FAM13A: variants seen among roughly 807,000 people sequenced by gnomAD.
FAM13A encodes the protein protein FAM13A.
FAM13A carries 76 observed loss-of-function variants against 129.6 expected under a neutral mutation model. The observed-to-expected ratio is 0.59, with a 90% CI of 0.49 to 0.71. The LOEUF (loss-of-function observed/expected upper bound fraction) is 0.71, where lower values mean the gene tolerates loss of function less well. Ranked by LOEUF, FAM13A falls within the 30% of genes least tolerant of loss-of-function variation. The probability of loss-of-function intolerance (pLI) is 0.00; values close to 1 mark genes in which losing one functional copy is unlikely to be tolerated. For synonymous variants in FAM13A, 443 were observed against 449.9 expected, an observed-to-expected ratio of 0.98 and a Z score of 0.20; for missense variants, 1,108 against 1,249.3, an observed-to-expected ratio of 0.89 and a Z score of 1.70.
chr4:88,945,449 A>T (rs868633252), intron 4 of FAM13A, among the ~76,000 whole-genome samples: 16 of 152,260 alleles, frequency 1.1e-4, no homozygotes, highest in Middle Eastern at 6.8e-3. Flanking sequence ...TATCGTAGTA[A>T]GACTCTTGCC....
At position 89,057,128 on chromosome 4, in the gene FAM13A, G is replaced by A; in HGVS notation, c.-164C>T. 6.9e-7 allele frequency: 1 copy of A among 1,443,012 alleles called. No homozygotes were observed. Among genetic ancestry groups the A allele is most frequent in the Non-Finnish European group, 9.1e-7 (1 of 1,100,152 alleles). 89.4% of individuals were successfully genotyped at this position (1,443,012 alleles called of 1,614,324 possible). A position where few individuals can be genotyped will look rare whatever the true frequency, so the allele number is the denominator to read the frequency against. ...AGAGCAGCTTCTAACATTTTAGGAA[G>A]AGTGGTTTTGCTTCTCTTTCCGCTG... On this transcript the variant is annotated 5_prime_UTR_variant, in exon 1 of 24. Transcript: ENST00000264344.
chr4:88,738,389 G>A (rs895430775), intron 20 of FAM13A, among the ~76,000 whole-genome samples: 1 of 152,294 alleles, frequency 6.6e-6, no homozygotes, highest in Middle Eastern at 3.4e-3. Flanking sequence ...TGGGATGAGG[G>A]ATGGGAGCAG....
chr4:89,030,084 G>GA (rs1035923779), intron 1 of FAM13A, among the ~76,000 whole-genome samples: 29 of 149,642 alleles, frequency 1.9e-4, no homozygotes, highest in Admixed American at 1.7e-3. Flanking sequence ...TAAAGTGTCA[G>GA]AAAAAAAAAT....
intron 4 of FAM13A, among the ~76,000 whole-genome samples, chr4:88,957,889 G>A (rs894895937): frequency 6.6e-6 from 1 of 152,190 alleles, no homozygotes; most frequent in African/African-American, 2.4e-5. Flanking sequence ...ACTTTAGAGT[G>A]AAGATTTAGG....
At chr4:88,843,564 G>A (rs181925795) in intron 7 of FAM13A, among the ~76,000 whole-genome samples, 4 of 152,146 alleles carry the variant, frequency 2.6e-5, no homozygotes, top group Non-Finnish European at 2.9e-5. Context: ...TTTGCTGGCT[G>A]GACTTCAGAA....
chr4:88,731,957 C>A, intron 22 of FAM13A, 45 bp downstream of exon 22: 1 of 1,448,768 alleles, frequency 6.9e-7, no homozygotes, highest in Non-Finnish European at 9.4e-7. Flanking sequence ...TTTAAGTGAG[C>A]TATTTTTACC....
intron 23 of FAM13A, among the ~76,000 whole-genome samples, chr4:88,730,287 C>A (rs757969886): frequency 6.6e-6 from 1 of 152,294 alleles, no homozygotes; most frequent in East Asian, 1.9e-4. Flanking sequence ...CTGTGACTTT[C>A]GGTAAGATTT....
rs138768311 is a variant in FAM13A, at chr4:88,844,549, T to C, written c.1007+6471A>G. Among the ~76,000 whole-genome samples the C allele has an allele frequency of 8.8e-3, 1,337 of 152,248 alleles. 69 individuals are homozygous for C. The highest frequency in any genetic ancestry group is 2.6e-3 in the Non-Finnish European group (176 of 68,008). ...GTAAAGCAAATATCAAGACAAAATA[T>C]GACACGTGATCGGATCATGAAGAGA... On this transcript the variant is annotated intron_variant, in intron 7 of 23. Coordinates refer to ENST00000264344, the MANE Select transcript of FAM13A (RefSeq NM_014883.4).
chr4:88,974,858 C>T (rs144349323), intron 4 of FAM13A, among the ~76,000 whole-genome samples: 14 of 152,162 alleles, frequency 9.2e-5, no homozygotes, highest in East Asian at 7.7e-4. Context: ...AGCTAGTTCT[C>T]GGGCATAGAC....
chr4:88,993,121 C>T (rs1397138768), intron 3 of FAM13A, among the ~76,000 whole-genome samples: 1 of 152,196 alleles, frequency 6.6e-6, no homozygotes, highest in Non-Finnish European at 1.5e-5. Flanking sequence ...GGTTCTGCTA[C>T]CTACTACTTA....
At chr4:88,952,816 C>T (rs2609273) in intron 4 of FAM13A, among the ~76,000 whole-genome samples, 4,242 of 152,006 alleles carry the variant, frequency 0.028, 82 homozygotes, top group Non-Finnish European at 0.045. Context: ...GGTGTGTTGA[C>T]GCACATCTGT....
intron 3 of FAM13A, among the ~76,000 whole-genome samples, chr4:89,010,178 A>G (rs1488333207): frequency 6.6e-6 from 1 of 152,210 alleles, no homozygotes; most frequent in Non-Finnish European, 1.5e-5. Flanking sequence ...CTTGTATGGA[A>G]AAATTTGTAA....
chr4:88,803,813 G>A (rs1728016718), intron 8 of FAM13A, among the ~76,000 whole-genome samples: 1 of 152,186 alleles, frequency 6.6e-6, no homozygotes, highest in Non-Finnish European at 1.5e-5. Flanking sequence ...CAGTTACTTC[G>A]CTAAGCCTGA....
At chr4:88,791,747 A>G (rs1021562920) in intron 8 of FAM13A, among the ~76,000 whole-genome samples, 5 of 152,088 alleles carry the variant, frequency 3.3e-5, no homozygotes, top group African/African-American at 1.2e-4. Flanking sequence ...CAACATATGA[A>G]TATGTTGCTT....
At chr4:88,999,724 C>G (rs1254625415) in intron 3 of FAM13A, among the ~76,000 whole-genome samples, 1 of 152,072 alleles carries the variant, frequency 6.6e-6, no homozygotes, top group Non-Finnish European at 1.5e-5. Context: ...TCCTTTCTCC[C>G]CTAAGGGCCT....
At position 88,746,467 on chromosome 4, in the gene FAM13A, T is replaced by G. The variant is rs139693183; in HGVS notation, c.2466+465A>C. Among the ~76,000 whole-genome samples the G allele has an allele frequency of 5.0e-3, 761 of 152,332 alleles. 3 individuals are homozygous for G. The highest frequency in any genetic ancestry group is 0.014 in the Middle Eastern group (4 of 294). ...GCAGCTGGAACTTCTTTACAAACAC[T>G]AGTTGCACTGCATTGCAGAGAGATT... On this transcript the variant is annotated intron_variant, in intron 19 of 23. Coordinates refer to ENST00000264344, the MANE Select transcript of FAM13A (RefSeq NM_014883.4).
chr4:89,039,274 T>TTA (rs1338984393), intron 1 of FAM13A, among the ~76,000 whole-genome samples: 1 of 152,174 alleles, frequency 6.6e-6, no homozygotes. Context: ...TTCAAGTAAG[T>TTA]TAAAATATAC....
At chr4:89,008,244 C>T (rs1765311378) in intron 3 of FAM13A, among the ~76,000 whole-genome samples, 1 of 152,074 alleles carries the variant, frequency 6.6e-6, no homozygotes, top group Non-Finnish European at 1.5e-5. Context: ...ACGCCCTAGC[C>T]CCCAATGTGC....
intron 4 of FAM13A, among the ~76,000 whole-genome samples, chr4:88,989,358 T>C (rs1449008445): frequency 6.6e-6 from 1 of 152,020 alleles, no homozygotes; most frequent in Non-Finnish European, 1.5e-5. Context: ...TCCCAGCACT[T>C]AGGGAGGTCG....
Sources: allele counts gnomAD v4.1 joint callset (sites outside exome capture counted in the v4.1 genomes callset), GRCh38; gene constraint gnomAD v4.1.1; transcripts MANE v1.5; gene names NCBI Gene and HGNC (gene_info 2026-07-23, HGNC 2026-07-21).